CFAP54: variants seen among roughly 807,000 people sequenced by gnomAD.
CFAP54 encodes the protein cilia and flagella associated protein 54, also known as cilia- and flagella-associated protein 54.
A neutral mutation model predicts 370.4 loss-of-function variants in CFAP54; 290 were observed. The observed-to-expected ratio is 0.78, with a 90% CI of 0.71 to 0.86. CFAP54 has a LOEUF of 0.86. Ranked by LOEUF, CFAP54 falls within the 40% of genes least tolerant of loss-of-function variation. The pLI is 0.00. For synonymous variants in CFAP54, 1,206 were observed against 1,236.5 expected (o/e 0.98, Z 0.52); for missense variants, 3,399 against 3,528.7 (o/e 0.96, Z 0.93).
intron 66 of CFAP54, among the ~76,000 whole-genome samples, chr12:96,837,797 G>C (rs1029653599): frequency 1.3e-5 from 2 of 152,152 alleles, no homozygotes; most frequent in Non-Finnish European, 2.9e-5. Flanking sequence ...CTAGGTCCTG[G>C]GGTACAGAAG....
intron 12 of CFAP54, among the ~76,000 whole-genome samples, chr12:96,537,315 A>G (rs190034315): frequency 6.6e-6 from 1 of 151,992 alleles, no homozygotes; most frequent in Admixed American, 6.6e-5. Context: ...TTCTCTAGTT[A>G]CTAGTTCATC....
chr12:96,625,581 A>T, intron 28 of CFAP54, 137 bp from the exon 29 acceptor site: 1 of 503,306 alleles, frequency 2.0e-6, no homozygotes, highest in Non-Finnish European at 3.4e-6. Flanking sequence ...TTGCTATTTT[A>T]AGGCACATAA....
chr12:96,872,030 A>AT (rs1210060293), intron 67 of CFAP54, among the ~76,000 whole-genome samples: 3 of 151,934 alleles, frequency 2.0e-5, no homozygotes, highest in Non-Finnish European at 2.9e-5. Context: ...GGATGGCAAA[A>AT]TTTTTTCAGA....
chr12:96,503,376 CTCCT>C (rs1411376002), intron 2 of CFAP54, among the ~76,000 whole-genome samples: 1 of 143,030 alleles, frequency 7.0e-6, no homozygotes, highest in African/African-American at 2.6e-5. Flanking sequence ...TCTCCCTTCC[CTCCT>C]TCCTTCCTTT....
At chr12:96,807,046 A>G (rs140899905) in intron 63 of CFAP54, among the ~76,000 whole-genome samples, 179 of 152,296 alleles carry the variant, frequency 1.2e-3, no homozygotes, top group African/African-American at 4.0e-3. Flanking sequence ...AATGCAGCTT[A>G]CAGTTCTAAT....
chr12:96,495,578 C>A (rs1045854026), intron 1 of CFAP54, among the ~76,000 whole-genome samples: 3 of 151,890 alleles, frequency 2.0e-5, no homozygotes, highest in Admixed American at 2.0e-4. Context: ...ACTCTGGCCT[C>A]CCAAAGTGCT....
chr12:96,584,169 T>TAAA lies in CFAP54; in HGVS notation c.3075+3072_3075+3074dup, dbSNP rs11458285. Among the ~76,000 whole-genome samples, 39 of 149,312 alleles carry TAAA rather than the reference T, an allele frequency of 2.6e-4. No individual in the cohort carries two copies. The East Asian group carries it at 6.6e-3, about 25-fold the overall frequency. On this transcript the variant is annotated intron_variant, in intron 22 of 67. Coordinates refer to ENST00000524981, the MANE Select transcript of CFAP54 (RefSeq NM_001306084.2). ...TTGTCTATTTTATTTTTCATTCAAA[T>TAAA]AAAAAAAAAATAGGCCCAGTGTAGT...
intron 20 of CFAP54, among the ~76,000 whole-genome samples, chr12:96,577,328 TC>T (rs1955988655): frequency 6.6e-6 from 1 of 152,222 alleles, no homozygotes; most frequent in Non-Finnish European, 1.5e-5. Flanking sequence ...CCCTGATGCC[TC>T]AGAACTTGGC....
At chr12:96,570,145 G>C (rs1031094350) in intron 19 of CFAP54, among the ~76,000 whole-genome samples, 1 of 151,686 alleles carries the variant, frequency 6.6e-6, no homozygotes, top group African/African-American at 2.4e-5. Context: ...CTGGCTGTTT[G>C]TATTTTTTTG....
At chr12:96,705,418 ATTGTTTTTTTTTTCCTAAAAAT>A (rs538716559) in intron 47 of CFAP54, among the ~76,000 whole-genome samples, 92 of 151,390 alleles carry the variant, frequency 6.1e-4, no homozygotes, top group Admixed American at 1.2e-3. Context: ...CAGATGATTC[ATTGTTTTTTTTTTCCTAAAAAT>A]TTGTTTTAAT....
rs1958073832 is a variant in CFAP54, at chr12:96,743,411, T to C, written c.7229T>C (p.Met2410Thr). 5.0e-6 allele frequency: 8 copies of C among 1,613,728 alleles called. No individual in the cohort carries two copies. Among genetic ancestry groups the C allele is most frequent in the African/African-American group, 1.3e-5 (1 of 75,020 alleles). Residue 2410 changes from methionine to threonine, a missense_variant, in exon 53 of 68, where the codon ATG becomes ACG. Met to Thr is a moderately conservative substitution (Grantham distance 81). Transcript: ENST00000524981. Reference protein sequence around the residue: ...HGIGIVKEDDMTDCLSLINEV... With the variant: ...HGIGIVKEDDTTDCLSLINEV... Reference sequence around the variant, plus strand: ...CATTTGTTTATTTTAGAGGATGATATGACAGATTGCCTGAGCCTCATCAAT... The same window carrying C: ...CATTTGTTTATTTTAGAGGATGATACGACAGATTGCCTGAGCCTCATCAAT...
At chr12:96,728,526 A>G (rs903931796) in intron 50 of CFAP54, among the ~76,000 whole-genome samples, 10 of 152,308 alleles carry the variant, frequency 6.6e-5, no homozygotes, top group African/African-American at 2.4e-4. Flanking sequence ...TTTCAGCTCC[A>G]TCAGCTCCTT....
At chr12:96,492,235 A>G (rs1034835743) in intron 1 of CFAP54, among the ~76,000 whole-genome samples, 6 of 152,078 alleles carry the variant, frequency 3.9e-5, no homozygotes, top group Non-Finnish European at 8.8e-5. Flanking sequence ...AAGTCTTTCT[A>G]TTGCTTCCCA....
intron 63 of CFAP54, 102 bp downstream of exon 63, chr12:96,792,601 G>A: frequency 1.2e-6 from 1 of 826,178 alleles, no homozygotes; most frequent in Non-Finnish European, 1.8e-6. Context: ...TCATATAGAT[G>A]AGAACAGGTA....
At chr12:96,661,677 A>G (rs894291495) in intron 38 of CFAP54, among the ~76,000 whole-genome samples, 6 of 152,308 alleles carry the variant, frequency 3.9e-5, no homozygotes, top group East Asian at 1.9e-4. Context: ...CCTTGTTTAA[A>G]GTCAATTTAA....
intron 13 of CFAP54, among the ~76,000 whole-genome samples, chr12:96,538,847 G>A (rs1307149122): frequency 1.3e-5 from 2 of 151,716 alleles, no homozygotes; most frequent in African/African-American, 4.8e-5. Context: ...TGCCTCCTGG[G>A]CTCAAGTGAT....
At chr12:96,561,092 C>G (rs1955810098) in intron 17 of CFAP54, among the ~76,000 whole-genome samples, 1 of 152,010 alleles carries the variant, frequency 6.6e-6, no homozygotes, top group African/African-American at 2.4e-5. Flanking sequence ...GGAGGGAGGC[C>G]CTTCACACTG....
chr12:96,513,803 T>C (rs12826396), intron 5 of CFAP54, among the ~76,000 whole-genome samples: 42,588 of 152,062 alleles, frequency 0.28, 6,238 homozygotes, highest in South Asian at 0.38. Context: ...AAACTATGGT[T>C]ACCCCCTTTA....
intron 66 of CFAP54, among the ~76,000 whole-genome samples, chr12:96,831,205 A>G (rs1818904664): frequency 6.6e-6 from 1 of 152,210 alleles, no homozygotes; most frequent in Non-Finnish European, 1.5e-5. Context: ...CTGAAGAGCT[A>G]GCTGTGAACC....
Sources: gnomAD v4.1 joint callset for allele counts (sites outside exome capture counted in the v4.1 genomes callset) on GRCh38, gnomAD v4.1.1 for gene constraint, MANE v1.5 for transcripts, NCBI Gene and HGNC (gene_info 2026-07-23, HGNC 2026-07-21) for gene names.